The following EXOC3L2 variants were observed in gnomAD, a reference collection of about 807,000 sequenced individuals.
EXOC3L2 encodes the protein exocyst complex component 3-like protein 2.
Under a neutral mutation model 44.4 loss-of-function variants are expected in EXOC3L2, and 17 were observed. That is an observed-to-expected ratio of 0.38 (90% CI 0.26 to 0.57). The LOEUF is 0.57. Among genes scored for constraint, EXOC3L2 ranks in the 20% least tolerant of loss-of-function variants. The pLI is 0.65. For missense variants in EXOC3L2, 541 were observed against 588.4 expected (o/e 0.92, Z 0.83); for synonymous variants, 256 against 253.7 (o/e 1.01, Z -0.09).
At chr19:45,214,304 G>C (rs1216980135) in intron 11 of EXOC3L2, among the ~76,000 whole-genome samples, 1 of 152,056 alleles carries the variant, frequency 6.6e-6, no homozygotes, top group Non-Finnish European at 1.5e-5. Context: ...GTTTTTCTGG[G>C]GTTCTGTTTC....
At chr19:45,229,672 C>T (rs1333991265) in intron 4 of EXOC3L2, among the ~76,000 whole-genome samples, 1 of 149,486 alleles carries the variant, frequency 6.7e-6, no homozygotes, top group Non-Finnish European at 1.5e-5. Context: ...ATGTAGAAAC[C>T]CCTTTTCTAC....
chr19:45,213,476 C>T, intron 11 of EXOC3L2, 119 bp from the exon 12 acceptor site: 1 of 1,190,128 alleles, frequency 8.4e-7, no homozygotes, highest in Non-Finnish European at 1.2e-6. Context: ...AGTTCTGGGG[C>T]CTCTGTGTCC....
Position 45,231,758 on chromosome 19 carries a change from G to C in EXOC3L2, c.1269+5C>G, listed in dbSNP as rs942176532. ...CCTGCTTCCAAAATGCAAAGTTCCA[G>C]GTACCTTAACATCTGTGACGCATTC... On this transcript the variant is annotated splice_donor_5th_base_variant and intron_variant, in intron 4 of 11. Transcript: ENST00000413988. 6.2e-7 allele frequency: 1 copy of C among 1,601,254 alleles called. No homozygotes were observed. The highest frequency in any genetic ancestry group is 1.7e-5 in the Admixed American group (1 of 59,726).
chr19:45,237,311 G>A (rs1970092431), intron 2 of EXOC3L2, among the ~76,000 whole-genome samples: 1 of 152,056 alleles, frequency 6.6e-6, no homozygotes, highest in African/African-American at 2.4e-5. Context: ...ACCAACTTGA[G>A]CAACATAGCG....
chr19:45,214,078 C>T (rs1314174643), intron 11 of EXOC3L2, among the ~76,000 whole-genome samples: 1 of 152,160 alleles, frequency 6.6e-6, no homozygotes, highest in Admixed American at 6.6e-5. Flanking sequence ...AACTTAGCTA[C>T]AGATTCAAGT....
At chr19:45,229,794 G>A (rs1234398040) in intron 4 of EXOC3L2, among the ~76,000 whole-genome samples, 1 of 149,626 alleles carries the variant, frequency 6.7e-6, no homozygotes, top group South Asian at 2.1e-4. Flanking sequence ...GCGGTGAGCC[G>A]AGTTTGTGCC....
At chr19:45,217,871 A>AT (rs1229430954) in intron 9 of EXOC3L2, among the ~76,000 whole-genome samples, 188 bp from the exon 10 acceptor site, 4 of 151,672 alleles carry the variant, frequency 2.6e-5, no homozygotes, top group African/African-American at 9.7e-5. Context: ...TGGCCCCCTA[A>AT]TTAGCCCGCG....
intron 4 of EXOC3L2, among the ~76,000 whole-genome samples, chr19:45,230,074 G>C (rs1444923350): frequency 2.0e-5 from 3 of 151,906 alleles, no homozygotes; most frequent in Non-Finnish European, 2.9e-5. Flanking sequence ...CCCCAGGCTG[G>C]TGTGCAGTGG....
chr19:45,242,320 A>G (rs1970137270), intron 1 of EXOC3L2, among the ~76,000 whole-genome samples: 1 of 152,152 alleles, frequency 6.6e-6, no homozygotes, highest in Admixed American at 6.5e-5. Context: ...GCTGGAGTGC[A>G]GAGGCGTGAT....
chr19:45,217,177 A>G (rs576693422), intron 10 of EXOC3L2, among the ~76,000 whole-genome samples: 1 of 152,070 alleles, frequency 6.6e-6, no homozygotes, highest in Non-Finnish European at 1.5e-5. Flanking sequence ...GTGAGCCACC[A>G]CACCCGGATA....
intron 7 of EXOC3L2, 28 bp downstream of exon 7, chr19:45,227,630 TCCTC>T: frequency 1.3e-6 from 2 of 1,577,946 alleles, no homozygotes; most frequent in South Asian, 1.2e-5. Flanking sequence ...CTTGGATTGG[TCCTC>T]CCTCCATCAC....
chr19:45,223,401 G>T (rs1434146759), intron 8 of EXOC3L2, among the ~76,000 whole-genome samples: 1 of 152,064 alleles, frequency 6.6e-6, no homozygotes, highest in African/African-American at 2.4e-5. Flanking sequence ...GCAGTGCAAT[G>T]GTGCGATCTT....
chr19:45,213,720 G>T (rs1047491666), intron 11 of EXOC3L2, among the ~76,000 whole-genome samples: 1 of 151,880 alleles, frequency 6.6e-6, no homozygotes, highest in African/African-American at 2.4e-5. Context: ...CAAGGCAGGC[G>T]GATCACCTGA....
At chr19:45,243,046 C>CTGGA (rs1238828847) in intron 1 of EXOC3L2, among the ~76,000 whole-genome samples, 1 of 151,998 alleles carries the variant, frequency 6.6e-6, no homozygotes, top group Non-Finnish European at 1.5e-5. Context: ...ATATACTGTT[C>CTGGA]TACATGGTTT....
In EXOC3L2 at chr19:45,227,984, A is replaced by G; in HGVS notation, c.1462T>C (p.Phe488Leu). Residue 488 changes from phenylalanine (F) to leucine (L), a missense_variant, in exon 6 of 12, where the codon TTC (phenylalanine) becomes CTC (leucine). Transcript: ENST00000413988. The stretch of plus-strand genomic sequence containing the variant: ...CCCAGGTTCCCCTACCTCTGCAGGA[A>G]CTCTGCCAGCCCGCCTAGGCAGCAG... Reference protein sequence around the residue: ...AHCCLGGLAEFLQSFQQRVER... With the variant: ...AHCCLGGLAELLQSFQQRVER... The G allele has an allele frequency of 6.2e-7, 1 of 1,613,440 alleles. No homozygotes were observed. The highest frequency in any genetic ancestry group is 8.5e-7 in the Non-Finnish European group (1 of 1,179,942).
chr19:45,217,395 T>C (rs1251998325), intron 10 of EXOC3L2, 133 bp downstream of exon 10: 4 of 1,163,746 alleles, frequency 3.4e-6, no homozygotes, highest in East Asian at 3.1e-5. Flanking sequence ...CTGGTTGCTA[T>C]TGACCCGAAG....
At chr19:45,221,311 T>G (rs1358190297) in intron 8 of EXOC3L2, among the ~76,000 whole-genome samples, 1 of 151,908 alleles carries the variant, frequency 6.6e-6, no homozygotes, top group Non-Finnish European at 1.5e-5. Context: ...CCCAAAGTGC[T>G]GGGATTACAG....
chr19:45,240,211 C>T (rs922916499), intron 1 of EXOC3L2, among the ~76,000 whole-genome samples: 2 of 150,206 alleles, frequency 1.3e-5, no homozygotes, highest in African/African-American at 4.9e-5. Flanking sequence ...CTCAAATGAT[C>T]CTCGTACCTC....
chr19:45,237,225 C>T (rs879553531), intron 2 of EXOC3L2, among the ~76,000 whole-genome samples: 7 of 151,918 alleles, frequency 4.6e-5, no homozygotes, highest in Non-Finnish European at 7.4e-5. Context: ...TTAGGCCAGG[C>T]GCAGTGGCTC....
Sources: gnomAD v4.1 joint callset for allele counts (sites outside exome capture counted in the v4.1 genomes callset) on GRCh38, gnomAD v4.1.1 for gene constraint, MANE v1.5 for transcripts, NCBI Gene and HGNC (gene_info 2026-07-23, HGNC 2026-07-21) for gene names.